Variants in MCC observed in about 807,000 individuals in gnomAD.
MCC encodes colorectal mutant cancer protein.
MCC carries 90 observed loss-of-function variants against 116.2 expected under a neutral mutation model. The observed-to-expected ratio is 0.77, with a 90% confidence interval of 0.65 to 0.92. The LOEUF (loss-of-function observed/expected upper bound fraction) is 0.92. Ranked by LOEUF, MCC falls within the 40% of genes least tolerant of loss-of-function variation. MCC has a pLI of 0.00. For synonymous variants in MCC, 578 were observed against 510.5 expected (o/e 1.13, Z -1.78); for missense variants, 1,516 against 1,312.2 (o/e 1.16, Z -2.40).
At chr5:113,249,709 G>A (rs1382220940) in intron 3 of MCC, among the ~76,000 whole-genome samples, 1 of 152,208 alleles carries the variant, frequency 6.6e-6, no homozygotes, top group East Asian at 1.9e-4. Flanking sequence ...TCAGGGCAGA[G>A]AGCAGAGCTA....
chr5:113,347,409 GTGT>G (rs200896310), intron 2 of MCC, among the ~76,000 whole-genome samples: 7,439 of 152,056 alleles, frequency 0.049, 331 homozygotes, highest in African/African-American at 0.11. Context: ...TATGCAATCA[GTGT>G]TGTTATCAGT....
At chr5:113,155,371 G>T (rs997585301) in intron 3 of MCC, among the ~76,000 whole-genome samples, 1 of 152,176 alleles carries the variant, frequency 6.6e-6, no homozygotes, top group African/African-American at 2.4e-5. Flanking sequence ...CCTGTAATAA[G>T]CCGATTTTCT....
intron 3 of MCC, among the ~76,000 whole-genome samples, chr5:113,282,420 A>G (rs575643812): frequency 6.6e-6 from 1 of 152,324 alleles, no homozygotes; most frequent in East Asian, 1.9e-4. Context: ...CATTTTCATA[A>G]GCAGTTCAGA....
At chr5:113,323,476 G>A (rs150281273) in intron 3 of MCC, among the ~76,000 whole-genome samples, 130 of 152,238 alleles carry the variant, frequency 8.5e-4, no homozygotes, top group African/African-American at 2.7e-3. Context: ...GGTGGAAGGT[G>A]GTGGCAGTGG....
intron 6 of MCC, among the ~76,000 whole-genome samples, chr5:113,115,587 C>A (rs1757347783): frequency 6.6e-6 from 1 of 152,066 alleles, no homozygotes; most frequent in Admixed American, 6.5e-5. Context: ...GACCTTGGTG[C>A]CCATCTAGGA....
chr5:113,467,407 A>G (rs1234851369), intron 1 of MCC, among the ~76,000 whole-genome samples: 1 of 152,124 alleles, frequency 6.6e-6, no homozygotes, highest in Non-Finnish European at 1.5e-5. Flanking sequence ...ACATATGGCT[A>G]GCCAGTTTTC....
intron 3 of MCC, among the ~76,000 whole-genome samples, chr5:113,220,483 T>A (rs888681878): frequency 3.3e-5 from 5 of 152,188 alleles, no homozygotes; most frequent in African/African-American, 1.2e-4. Flanking sequence ...TTGCTCCATT[T>A]ATTTAGATCA....
intron 3 of MCC, among the ~76,000 whole-genome samples, chr5:113,240,231 T>G (rs1008899959): frequency 6.6e-6 from 1 of 152,134 alleles, no homozygotes; most frequent in African/African-American, 2.4e-5. Context: ...TGTTGAAAAC[T>G]TGACCCAATT....
At chr5:113,193,227 T>C (rs915889851) in intron 3 of MCC, among the ~76,000 whole-genome samples, 1 of 152,228 alleles carries the variant, frequency 6.6e-6, no homozygotes, top group South Asian at 2.1e-4. Context: ...CCCTTTTGAT[T>C]ACACTGGGCC....
At chr5:113,376,801 T>C (rs1768998132) in intron 2 of MCC, among the ~76,000 whole-genome samples, 1 of 152,166 alleles carries the variant, frequency 6.6e-6, no homozygotes, top group South Asian at 2.1e-4. Context: ...AAGATGGGGA[T>C]AGAGCCAACT....
intron 3 of MCC, among the ~76,000 whole-genome samples, chr5:113,260,820 G>A (rs1447391205): frequency 6.6e-6 from 1 of 151,688 alleles, no homozygotes; most frequent in African/African-American, 2.4e-5. Flanking sequence ...TTCAGTACTG[G>A]GAAGCTGTCA....
chr5:113,022,548 A>G lies in MCC; in HGVS notation c.*4754T>C, dbSNP rs899455535. ...AGTGGACATGTTTTATTATCTTTGC[A>G]TTACGTTCTAACAAAAGCAGATTAT... On this transcript the variant is annotated 3_prime_UTR_variant, in exon 19 of 19. Coordinates refer to ENST00000408903, the MANE Select transcript of MCC (RefSeq NM_001085377.2). 3.3e-5 allele frequency: 5 copies of G among 152,366 alleles called. No homozygotes were observed. The highest frequency in any genetic ancestry group is 9.6e-5 in the African/African-American group (4 of 41,474). 9.4% of individuals were successfully genotyped at this position (152,366 alleles called of 1,614,324 possible).
At chr5:113,433,378 GC>G in intron 1 of MCC, 1 of 488,612 alleles carries the variant, frequency 2.0e-6, no homozygotes, top group Non-Finnish European at 4.0e-6. Flanking sequence ...GATAAATGGT[GC>G]CCAAGGTGGA....
chr5:113,032,617 C>T (rs1046097954), intron 17 of MCC, among the ~76,000 whole-genome samples: 3 of 152,084 alleles, frequency 2.0e-5, no homozygotes, highest in Non-Finnish European at 1.5e-5. Context: ...TTGTTTAATG[C>T]TGTCAGAGGC....
chr5:113,124,568 T>C (rs542041493), intron 5 of MCC, among the ~76,000 whole-genome samples: 11 of 152,354 alleles, frequency 7.2e-5, no homozygotes, highest in Non-Finnish European at 1.5e-4. Flanking sequence ...TTCGAAAACA[T>C]ATATTTCCTG....
intron 3 of MCC, among the ~76,000 whole-genome samples, chr5:113,213,000 C>T (rs1408355005): frequency 1.3e-5 from 2 of 152,200 alleles, no homozygotes; most frequent in South Asian, 4.1e-4. Flanking sequence ...AGCGTTCCTT[C>T]TTTCCCAAGT....
rs553807946 is a variant in MCC at position 113,093,504 on chromosome 5, A to G, written c.1399-8194T>C. 1.9e-4 allele frequency among the ~76,000 whole-genome samples: 29 copies of G among 152,030 alleles called. 1 individual carries two copies. The highest frequency in any genetic ancestry group is 6.5e-4 in the African/African-American group (27 of 41,416). ...CTCTCTCTCTCTCAATCAATCCAAA[A>G]GAAAGTAAATGATGCAAGCCAGGAG... On this transcript the variant is annotated intron_variant, in intron 8 of 18. Coordinates refer to ENST00000408903, the MANE Select transcript of MCC (RefSeq NM_001085377.2).
At chr5:113,200,166 A>C (rs545727126) in intron 3 of MCC, among the ~76,000 whole-genome samples, 4 of 152,358 alleles carry the variant, frequency 2.6e-5, no homozygotes, top group African/African-American at 9.6e-5. Context: ...AAGACAGTAA[A>C]TATGACAGGT....
chr5:113,384,135 A>C (rs1168016684), intron 2 of MCC, among the ~76,000 whole-genome samples: 2 of 152,242 alleles, frequency 1.3e-5, no homozygotes, highest in Non-Finnish European at 1.5e-5. Flanking sequence ...GTATTCAAAA[A>C]TATATACAAG....
Sources: allele counts gnomAD v4.1 joint callset (sites outside exome capture counted in the v4.1 genomes callset), GRCh38; gene constraint gnomAD v4.1.1; transcripts MANE v1.5; gene names NCBI Gene and HGNC (gene_info 2026-07-23, HGNC 2026-07-21).